The following FHIT variants were observed in gnomAD, a reference collection of about 807,000 sequenced individuals.
FHIT encodes the protein fragile histidine triad diadenosine triphosphatase, also known as bis(5'-adenosyl)-triphosphatase.
FHIT carries 19 observed loss-of-function variants against 17.9 expected under a neutral mutation model. That is an observed-to-expected ratio of 1.06 (90% CI 0.74 to 1.56). The LOEUF is 1.56. Among genes scored for constraint, FHIT ranks in the 40% most tolerant of loss-of-function variants. The probability of loss-of-function intolerance (pLI) is 0.00; values close to 1 mark genes in which losing one functional copy is unlikely to be tolerated. For synonymous variants in FHIT, 81 were observed against 69.7 expected, an observed-to-expected ratio of 1.16 and a Z score of -0.81; for missense variants, 248 against 189.2, an observed-to-expected ratio of 1.31 and a Z score of -1.82.
chr3:61,045,870 A>G (rs1469519613), intron 2 of FHIT, among the ~76,000 whole-genome samples: 2 of 152,184 alleles, frequency 1.3e-5, no homozygotes, highest in Non-Finnish European at 2.9e-5. Context: ...GAAACTGAAC[A>G]ACCTGCTCCT....
At chr3:61,083,313 C>G (rs893078149) in intron 2 of FHIT, among the ~76,000 whole-genome samples, 12 of 152,200 alleles carry the variant, frequency 7.9e-5, no homozygotes, top group African/African-American at 2.9e-4. Flanking sequence ...AACGTTGGCC[C>G]GGCGCGTTGG....
At position 59,796,170 on chromosome 3, in the gene FHIT, G is replaced by A. The variant is rs377404650; in HGVS notation, c.349-43849C>T. Reference sequence around the variant, plus strand: ...GGTAGATATTGTTGAGGCAAGATGCGGTATGTCTAGCCTGTGTCCAACACA... The same window carrying A: ...GGTAGATATTGTTGAGGCAAGATGCAGTATGTCTAGCCTGTGTCCAACACA... On this transcript the variant is annotated intron_variant, in intron 8 of 9. Coordinates refer to ENST00000492590, the MANE Select transcript of FHIT (RefSeq NM_002012.4). Among the ~76,000 whole-genome samples, 43 of 152,200 alleles carry A rather than the reference G, an allele frequency of 2.8e-4. No individual in the cohort carries two copies. The East Asian group carries it at 7.6e-3, about 27-fold the overall frequency.
intron 4 of FHIT, among the ~76,000 whole-genome samples, chr3:60,654,889 G>T (rs1553689179): frequency 6.6e-6 from 1 of 152,164 alleles, no homozygotes; most frequent in Non-Finnish European, 1.5e-5. Flanking sequence ...ACCGAGAATG[G>T]AAAGTGGAAG....
Position 61,133,937 on chromosome 3 carries a change from A to C in FHIT, c.-164+66680T>G, listed in dbSNP as rs1178720499. On this transcript the variant is annotated intron_variant, in intron 2 of 9. Transcript: ENST00000492590. ...CCCCATCTCTACTAAAAGTACAAAAATTTAGCCAGGCGTGGTGGCAGGCAC... is the reference window on the plus strand; with the variant it reads ...CCCCATCTCTACTAAAAGTACAAAACTTTAGCCAGGCGTGGTGGCAGGCAC... Among the ~76,000 whole-genome samples the C allele has an allele frequency of 2.0e-5, 3 of 152,190 alleles. No homozygotes were observed. In the East Asian group the frequency reaches 5.8e-4, roughly 29 times the overall value.
chr3:60,029,321 T>C (rs1412948267), intron 5 of FHIT, among the ~76,000 whole-genome samples: 2 of 152,196 alleles, frequency 1.3e-5, no homozygotes, highest in African/African-American at 4.8e-5. Context: ...TGAGGGGTAC[T>C]TGTACTTCCA....
At chr3:59,886,174 T>C (rs1703615137) in intron 8 of FHIT, 1 of 152,194 alleles carries the variant, frequency 6.6e-6, no homozygotes, top group African/African-American at 2.4e-5. Context: ...ACCTCCACAT[T>C]CCTATCATAT....
rs148714046 is a variant in FHIT at position 60,166,432 on chromosome 3, T to G, written c.104-152280A>C. Among the ~76,000 whole-genome samples the G allele has an allele frequency of 2.0e-4, 30 of 152,290 alleles. 1 individual carries two copies. Among genetic ancestry groups the G allele is most frequent in the African/African-American group, 4.8e-4 (20 of 41,578 alleles). ...TCCAGGGACAAATATTTGTCCTTAT[T>G]ATAAACATACATCCAATATGTGTTA... On this transcript the variant is annotated intron_variant, in intron 5 of 9. Transcript: ENST00000492590.
At chr3:60,095,421 A>G (rs1703905517) in intron 5 of FHIT, among the ~76,000 whole-genome samples, 1 of 152,216 alleles carries the variant, frequency 6.6e-6, no homozygotes, top group Non-Finnish European at 1.5e-5. Flanking sequence ...CCTCCCGTGT[A>G]CATTTCAGAG....
rs190007501 is a variant in FHIT, at chr3:60,342,951, C to T, written c.103+193909G>A. Among the ~76,000 whole-genome samples the T allele has an allele frequency of 3.3e-3, 505 of 152,228 alleles. 1 individual carries two copies. The highest frequency in any genetic ancestry group is 0.023 in the South Asian group (109 of 4,828). ...TTGGCACAGAAATTATATTAGTAAACTCAGCCATATTGTCTTCTCACATGA... is the reference window on the plus strand; with the variant it reads ...TTGGCACAGAAATTATATTAGTAAATTCAGCCATATTGTCTTCTCACATGA... On this transcript the variant is annotated intron_variant, in intron 5 of 9. Coordinates refer to ENST00000492590, the MANE Select transcript of FHIT (RefSeq NM_002012.4).
intron 7 of FHIT, among the ~76,000 whole-genome samples, chr3:59,930,658 A>G (rs1705926407): frequency 6.6e-6 from 1 of 152,186 alleles, no homozygotes; most frequent in African/African-American, 2.4e-5. Flanking sequence ...TTCATTTGCA[A>G]AAAGAATTTA....
chr3:61,089,988 T>TGC (rs2035429512), intron 2 of FHIT, among the ~76,000 whole-genome samples: 1 of 152,174 alleles, frequency 6.6e-6, no homozygotes, highest in Admixed American at 6.5e-5. Context: ...TAAAAGCCAA[T>TGC]CAACAAGCGC....
At chr3:61,194,999 G>T (rs570999287) in intron 2 of FHIT, among the ~76,000 whole-genome samples, 2 of 146,852 alleles carry the variant, frequency 1.4e-5, no homozygotes, top group East Asian at 2.2e-4. Context: ...AGGGGCGAGG[G>T]GGGTGGTTAG....
At chr3:60,663,123 T>C (rs1190252293) in intron 4 of FHIT, among the ~76,000 whole-genome samples, 1 of 135,020 alleles carries the variant, frequency 7.4e-6, no homozygotes, top group Non-Finnish European at 1.7e-5. Flanking sequence ...GTTTGATTAC[T>C]ATAGCTATAT....
intron 7 of FHIT, among the ~76,000 whole-genome samples, chr3:59,925,695 G>A (rs142609076): frequency 6.6e-6 from 1 of 152,238 alleles, no homozygotes; most frequent in Non-Finnish European, 1.5e-5. Context: ...CACTGAAACC[G>A]TAAATAGCTC....
intron 5 of FHIT, among the ~76,000 whole-genome samples, chr3:60,157,099 A>G (rs1700735355): frequency 6.6e-6 from 1 of 152,094 alleles, no homozygotes; most frequent in Non-Finnish European, 1.5e-5. Flanking sequence ...AATATTTTTT[A>G]TTTATAAACA....
At chr3:61,186,714 T>C (rs2038525271) in intron 2 of FHIT, among the ~76,000 whole-genome samples, 1 of 152,202 alleles carries the variant, frequency 6.6e-6, no homozygotes, top group South Asian at 2.1e-4. Flanking sequence ...GAGTAAGCTA[T>C]CCTGTGGCCT....
chr3:59,984,511 C>A (rs948351105), intron 7 of FHIT, among the ~76,000 whole-genome samples: 2 of 151,914 alleles, frequency 1.3e-5, no homozygotes, highest in South Asian at 2.1e-4. Flanking sequence ...AAACATTGTT[C>A]CTAAAGTCAA....
intron 5 of FHIT, among the ~76,000 whole-genome samples, chr3:60,235,333 T>G (rs923652817): frequency 6.6e-6 from 1 of 150,842 alleles, no homozygotes; most frequent in Non-Finnish European, 1.5e-5. Context: ...TGGGTTCAAA[T>G]GATTCTTCTG....
chr3:61,186,532 G>C (rs1213873814), intron 2 of FHIT, among the ~76,000 whole-genome samples: 4 of 152,212 alleles, frequency 2.6e-5, no homozygotes, highest in African/African-American at 9.6e-5. Context: ...CCAGTCTGCA[G>C]ACAGAAGAGG....
Sources: gnomAD v4.1 joint callset for allele counts (sites outside exome capture counted in the v4.1 genomes callset) on GRCh38, gnomAD v4.1.1 for gene constraint, MANE v1.5 for transcripts, NCBI Gene and HGNC (gene_info 2026-07-23, HGNC 2026-07-21) for gene names.